TJP2: variants seen among roughly 807,000 people sequenced by gnomAD.
The protein encoded by TJP2 is tight junction protein 2, also known as Friedreich ataxia region gene X104 (tight junction protein ZO-2).
TJP2 carries 91 observed loss-of-function variants against 133.1 expected under a neutral mutation model. That is an observed-to-expected ratio of 0.68 (90% CI 0.58 to 0.81). The LOEUF (loss-of-function observed/expected upper bound fraction) is 0.81. Ranked by LOEUF, TJP2 falls within the 40% of genes least tolerant of loss-of-function variation. The pLI is 0.00. For missense variants in TJP2, 1,541 were observed against 1,565.6 expected (o/e 0.98, Z 0.26); for synonymous variants, 592 against 583.4 (o/e 1.01, Z -0.21).
At chr9:69,246,542 G>C (rs775595405) in intron 17 of TJP2, 148 bp from the exon 18 acceptor site, 178 of 724,402 alleles carry the variant, frequency 2.5e-4, no homozygotes, top group Middle Eastern at 1.8e-3. Flanking sequence ...CATTAAAAGG[G>C]TTTTAATATT....
chr9:69,154,495 C>T (rs564727424), intron 2 of TJP2, among the ~76,000 whole-genome samples: 1 of 152,280 alleles, frequency 6.6e-6, no homozygotes, highest in African/African-American at 2.4e-5. Context: ...TTGATTATCA[C>T]CTTTCTGACT....
chr9:69,176,437 G>A (rs1825095365), intron 1 of TJP2, among the ~76,000 whole-genome samples: 1 of 152,158 alleles, frequency 6.6e-6, no homozygotes, highest in African/African-American at 2.4e-5. Flanking sequence ...AGGTGTCCAG[G>A]AAAAAACTGA....
chr9:69,175,106 T>G (rs1248617324), intron 1 of TJP2, among the ~76,000 whole-genome samples: 1 of 152,196 alleles, frequency 6.6e-6, no homozygotes, highest in Non-Finnish European at 1.5e-5. Context: ...ACCACAGGGT[T>G]TTAACATTCT....
intron 1 of TJP2, among the ~76,000 whole-genome samples, chr9:69,148,016 C>T (rs1823291555): frequency 6.6e-6 from 1 of 151,948 alleles, no homozygotes; most frequent in African/African-American, 2.4e-5. Context: ...CCTCCGCCTC[C>T]CGGGTTCCAG....
At chr9:69,210,284 GTC>G (rs1201637741) in intron 1 of TJP2, among the ~76,000 whole-genome samples, 22 of 12,448 alleles carry the variant, frequency 1.8e-3, no homozygotes, top group South Asian at 9.0e-3. Flanking sequence ...GTGAGACCCC[GTC>G]CCCCCCCCCC....
At chr9:69,191,288 C>G (rs1259675689) in intron 1 of TJP2, among the ~76,000 whole-genome samples, 3 of 152,162 alleles carry the variant, frequency 2.0e-5, no homozygotes, top group African/African-American at 7.2e-5. Flanking sequence ...ACTGCAATGT[C>G]TTTGTATCAT....
At chr9:69,148,966 C>T (rs550244866) in intron 1 of TJP2, among the ~76,000 whole-genome samples, 1 of 152,268 alleles carries the variant, frequency 6.6e-6, no homozygotes, top group Non-Finnish European at 1.5e-5. Flanking sequence ...AATACCCAGC[C>T]ACCTATGAAT....
At chr9:69,228,614 G>A (rs1160281462) in intron 9 of TJP2, among the ~76,000 whole-genome samples, 1 of 152,198 alleles carries the variant, frequency 6.6e-6, no homozygotes, top group Non-Finnish European at 1.5e-5. Flanking sequence ...ATGTATATGT[G>A]TATGTATAGA....
At chr9:69,152,850 A>G (rs1295195289) in intron 2 of TJP2, among the ~76,000 whole-genome samples, 2 of 40,518 alleles carry the variant, frequency 4.9e-5, no homozygotes, top group African/African-American at 1.7e-4. Context: ...TTTTTTTTTG[A>G]GACGGAGTCT....
chr9:69,143,864 T>C (rs1417443128), intron 1 of TJP2, among the ~76,000 whole-genome samples: 1 of 152,188 alleles, frequency 6.6e-6, no homozygotes, highest in Non-Finnish European at 1.5e-5. Flanking sequence ...AGTACACTCA[T>C]ATACCCCTGT....
At chr9:69,151,293 C>T (rs1823462675) in intron 1 of TJP2, among the ~76,000 whole-genome samples, 1 of 152,072 alleles carries the variant, frequency 6.6e-6, no homozygotes, top group African/African-American at 2.4e-5. Flanking sequence ...ACCAGCCTGA[C>T]CAACATGGAG....
intron 1 of TJP2, among the ~76,000 whole-genome samples, chr9:69,145,113 C>T (rs1207172211): frequency 6.6e-6 from 1 of 152,170 alleles, no homozygotes; most frequent in African/African-American, 2.4e-5. Flanking sequence ...ATTTTAAAAA[C>T]CCACCAAATT....
At chr9:69,142,508 C>T (rs1008700649) in intron 1 of TJP2, among the ~76,000 whole-genome samples, 2 of 151,936 alleles carry the variant, frequency 1.3e-5, no homozygotes, top group Admixed American at 6.5e-5. Context: ...GCTAAAAAAG[C>T]AAAAACAAAA....
At chr9:69,210,933 GCA>G (rs1827859483) in intron 1 of TJP2, among the ~76,000 whole-genome samples, 1 of 152,036 alleles carries the variant, frequency 6.6e-6, no homozygotes, top group African/African-American at 2.4e-5. Context: ...TCACTATGTT[GCA>G]CAGGCTGCCC....
intron 1 of TJP2, among the ~76,000 whole-genome samples, chr9:69,137,257 CTTTCTTTCTTTCT>C (rs1822789130): frequency 1.7e-5 from 1 of 57,808 alleles, no homozygotes; most frequent in African/African-American, 1.0e-4. Flanking sequence ...CTCTTTCTTT[CTTTCTTTCTTTCT>C]TTTTCTTTCT....
At chr9:69,169,737 A>G (rs1363138422), upstream of TJP2, among the ~76,000 whole-genome samples, 1 of 151,060 alleles carries the variant, frequency 6.6e-6, no homozygotes, top group Non-Finnish European at 1.5e-5. Flanking sequence ...AGATATATAC[A>G]TATATATATA....
intron 10 of TJP2, 72 bp from the exon 11 acceptor site, chr9:69,230,010 C>CA: frequency 1.9e-6 from 3 of 1,571,672 alleles, no homozygotes; most frequent in Non-Finnish European, 2.6e-6. Flanking sequence ...TTAAATCTCT[C>CA]ATTTGCTAAT....
At chr9:69,217,238 A>C (rs565671508) in intron 3 of TJP2, among the ~76,000 whole-genome samples, 36 of 152,082 alleles carry the variant, frequency 2.4e-4, no homozygotes, top group Middle Eastern at 3.4e-3. Context: ...TGATCTGCCC[A>C]CCTCGGCCTC....
upstream of TJP2, among the ~76,000 whole-genome samples, chr9:69,172,724 C>CT (rs1262115738): frequency 8.6e-5 from 13 of 151,448 alleles, no homozygotes; most frequent in South Asian, 2.1e-4. Context: ...TTTTTTTTTC[C>CT]TTTTTTTTGA....
Sources: allele counts gnomAD v4.1 joint callset (sites outside exome capture counted in the v4.1 genomes callset), GRCh38; gene constraint gnomAD v4.1.1; transcripts MANE v1.5; gene names NCBI Gene and HGNC (gene_info 2026-07-23, HGNC 2026-07-21).